The following DSCAM variants were observed in gnomAD, a reference collection of about 807,000 sequenced individuals.
DSCAM encodes cell adhesion molecule DSCAM.
A neutral mutation model predicts 217.7 loss-of-function variants in DSCAM; 47 were observed. The observed-to-expected ratio is 0.22, with a 90% CI of 0.17 to 0.28. DSCAM has a LOEUF of 0.28. Ranked by LOEUF, DSCAM falls within the 10% of genes least tolerant of loss-of-function variation. The pLI is 1.00. For missense variants in DSCAM, 2,080 were observed against 2,618.3 expected (o/e 0.79, Z 4.49); for synonymous variants, 1,056 against 1,015.3 (o/e 1.04, Z -0.76).
chr21:40,078,591 A>C (rs2089403409), intron 26 of DSCAM, 96 bp downstream of exon 26: 1 of 1,507,700 alleles, frequency 6.6e-7, no homozygotes, highest in Non-Finnish European at 8.9e-7. Flanking sequence ...CACTGGTCAA[A>C]CTATGGCAAA....
chr21:40,200,049 C>G (rs1028808474), intron 11 of DSCAM, among the ~76,000 whole-genome samples: 1 of 127,524 alleles, frequency 7.8e-6, no homozygotes, highest in Non-Finnish European at 1.6e-5. Flanking sequence ...ATACACATAA[C>G]AAAAAATTGG....
At chr21:40,549,480 C>T (rs2076612609) in intron 3 of DSCAM, among the ~76,000 whole-genome samples, 1 of 152,156 alleles carries the variant, frequency 6.6e-6, no homozygotes, top group East Asian at 1.9e-4. Context: ...AGCAGTGGTC[C>T]TTACACTACC....
At chr21:40,266,137 C>T (rs551192746) in intron 11 of DSCAM, among the ~76,000 whole-genome samples, 6 of 152,186 alleles carry the variant, frequency 3.9e-5, no homozygotes, top group South Asian at 4.1e-4. Context: ...AATCTACAAA[C>T]TCAAAGAAAT....
At chr21:40,123,201 G>A (rs986289985) in intron 20 of DSCAM, among the ~76,000 whole-genome samples, 5 of 152,144 alleles carry the variant, frequency 3.3e-5, no homozygotes, top group Non-Finnish European at 7.3e-5. Context: ...TAGAGTTCTG[G>A]AGATGGATGG....
chr21:40,216,297 A>G (rs1000073284), intron 11 of DSCAM, among the ~76,000 whole-genome samples: 4 of 150,334 alleles, frequency 2.7e-5, no homozygotes, highest in Admixed American at 6.6e-5. Context: ...TTTTTTTTTT[A>G]GAAACAGAGT....
chr21:40,460,152 A>G (rs2075794962), intron 3 of DSCAM, among the ~76,000 whole-genome samples: 1 of 152,182 alleles, frequency 6.6e-6, no homozygotes, highest in Non-Finnish European at 1.5e-5. Flanking sequence ...GGAGAGCATC[A>G]GGATAAATAG....
intron 3 of DSCAM, among the ~76,000 whole-genome samples, chr21:40,524,122 T>G (rs2076381578): frequency 6.6e-6 from 1 of 151,188 alleles, no homozygotes; most frequent in African/African-American, 2.4e-5. Context: ...TTAAGAAAAT[T>G]TATTTATTTA....
chr21:40,558,619 G>A (rs908509200), intron 3 of DSCAM, among the ~76,000 whole-genome samples: 2 of 152,142 alleles, frequency 1.3e-5, no homozygotes, highest in Non-Finnish European at 2.9e-5. Context: ...CTCATTTAGA[G>A]CAAGACAGAA....
chr21:40,587,437 A>G (rs556733578), intron 3 of DSCAM, among the ~76,000 whole-genome samples: 1 of 152,202 alleles, frequency 6.6e-6, no homozygotes, highest in South Asian at 2.1e-4. Flanking sequence ...ATTTTTTATC[A>G]CATCAGTTAA....
intron 3 of DSCAM, among the ~76,000 whole-genome samples, chr21:40,380,189 A>G (rs995021448): frequency 2.0e-5 from 3 of 152,226 alleles, no homozygotes; most frequent in African/African-American, 7.2e-5. Flanking sequence ...CTGTATACCT[A>G]ATTACCCTAT....
At chr21:40,459,151 G>A (rs59435982) in intron 3 of DSCAM, among the ~76,000 whole-genome samples, 82 of 152,068 alleles carry the variant, frequency 5.4e-4, no homozygotes, top group African/African-American at 1.5e-3. Context: ...CAATGCATTC[G>A]AAAACAGAAT....
At chr21:40,822,318 CAAAAAAAAAAAA>C (rs61569827) in intron 1 of DSCAM, among the ~76,000 whole-genome samples, 4 of 57,832 alleles carry the variant, frequency 6.9e-5, no homozygotes, top group East Asian at 1.3e-3. Context: ...GATCTTTTCT[CAAAAAAAAAAAA>C]AAAAAAAAAA....
chr21:40,264,527 C>A (rs1210864638), intron 11 of DSCAM, among the ~76,000 whole-genome samples: 1 of 152,092 alleles, frequency 6.6e-6, no homozygotes, highest in Admixed American at 6.6e-5. Flanking sequence ...TAAAAACTCT[C>A]AACACACTAG....
At chr21:40,644,707 T>G (rs1159938018) in intron 3 of DSCAM, among the ~76,000 whole-genome samples, 1 of 152,188 alleles carries the variant, frequency 6.6e-6, no homozygotes, top group Non-Finnish European at 1.5e-5. Context: ...CTGCTCCCAC[T>G]CTGTAGAGTG....
Position 40,653,122 on chromosome 21 carries a change from C to T in DSCAM, c.508+39688G>A, listed in dbSNP as rs578260784. ...CTGGACTCCTTCCTATGCACTTTTT[C>T]CTTTGCTGATTTTAATCTGTATCCT... On this transcript the variant is annotated intron_variant, in intron 3 of 32. Transcript: ENST00000400454. 2.0e-5 allele frequency among the ~76,000 whole-genome samples: 3 copies of T among 152,298 alleles called. No individual in the cohort carries two copies. In the South Asian group the frequency reaches 6.2e-4, roughly 32 times the overall value.
chr21:40,677,026 T>A (rs1038506912), intron 3 of DSCAM, among the ~76,000 whole-genome samples: 2 of 152,112 alleles, frequency 1.3e-5, no homozygotes, highest in Non-Finnish European at 2.9e-5. Context: ...CAGATAACAA[T>A]GCTGAGAACT....
At chr21:40,202,186 G>A (rs1191750221) in intron 11 of DSCAM, among the ~76,000 whole-genome samples, 2 of 152,116 alleles carry the variant, frequency 1.3e-5, no homozygotes, top group Non-Finnish European at 2.9e-5. Context: ...TGGGAGCTGG[G>A]GGGTGGATTC....
intron 29 of DSCAM, among the ~76,000 whole-genome samples, chr21:40,053,191 G>A (rs1175561345): frequency 2.6e-5 from 4 of 152,206 alleles, no homozygotes; most frequent in Admixed American, 1.3e-4. Context: ...GGCAGGAAAG[G>A]AAAGCCTCTC....
chr21:40,154,321 T>C (rs1407936588), intron 16 of DSCAM, among the ~76,000 whole-genome samples: 1 of 151,944 alleles, frequency 6.6e-6, no homozygotes, highest in African/African-American at 2.4e-5. Flanking sequence ...GGTGGGATCA[T>C]GGCTCACTGC....
Sources: allele counts gnomAD v4.1 joint callset (sites outside exome capture counted in the v4.1 genomes callset), GRCh38; gene constraint gnomAD v4.1.1; transcripts MANE v1.5; gene names NCBI Gene and HGNC (gene_info 2026-07-23, HGNC 2026-07-21).